GNAL: variants seen among roughly 807,000 people sequenced by gnomAD.
The protein encoded by GNAL is guanine nucleotide-binding protein G(olf) subunit alpha.
Under a neutral mutation model 55.1 loss-of-function variants are expected in GNAL, and 18 were observed. That is an observed-to-expected ratio of 0.33 (90% CI 0.23 to 0.48). The LOEUF (loss-of-function observed/expected upper bound fraction) is 0.48, where lower values mean the gene tolerates loss of function less well. GNAL is among the 20% of genes least tolerant of loss of function. The pLI is 0.99. For synonymous variants in GNAL, 253 were observed against 237.0 expected, an observed-to-expected ratio of 1.07 and a Z score of -0.62; for missense variants, 412 against 614.1, an observed-to-expected ratio of 0.67 and a Z score of 3.48.
intron 1 of GNAL, among the ~76,000 whole-genome samples, chr18:11,735,783 AGGAG>A (rs1193955007): frequency 1.3e-5 from 2 of 149,622 alleles, no homozygotes; most frequent in African/African-American, 2.5e-5. Flanking sequence ...AGAGAAAGAA[AGGAG>A]GGAGGGAGGG....
intron 1 of GNAL, among the ~76,000 whole-genome samples, chr18:11,742,746 C>CCGGCCT (rs954775616): frequency 6.6e-6 from 1 of 152,212 alleles, no homozygotes; most frequent in Non-Finnish European, 1.5e-5. Context: ...CTCCTCAACA[C>CCGGCCT]CGGCCTCGGA....
intron 1 of GNAL, 91 bp downstream of exon 1, chr18:11,690,030 CG>C: frequency 1.4e-6 from 1 of 701,866 alleles, no homozygotes; most frequent in Non-Finnish European, 1.9e-6. Context: ...TGGCGGGCAC[CG>C]GGGAGCGGCG....
chr18:11,723,441 C>G (rs542024321), intron 1 of GNAL, among the ~76,000 whole-genome samples: 5 of 152,164 alleles, frequency 3.3e-5, no homozygotes, highest in Non-Finnish European at 7.3e-5. Context: ...GTTTGCTAAT[C>G]CCTGGTCTAG....
chr18:11,869,043 C>T (rs1048857525), intron 9 of GNAL, among the ~76,000 whole-genome samples: 1 of 152,154 alleles, frequency 6.6e-6, no homozygotes, highest in Admixed American at 6.5e-5. Context: ...CACCCACACA[C>T]CCACACACTC....
intron 1 of GNAL, among the ~76,000 whole-genome samples, chr18:11,700,989 C>G (rs1013757867): frequency 1.3e-5 from 2 of 152,214 alleles, no homozygotes; most frequent in Non-Finnish European, 2.9e-5. Context: ...CTCAGGAGCC[C>G]GCTCTGTGCC....
At chr18:11,784,257 C>T (rs1343413768) in intron 4 of GNAL, among the ~76,000 whole-genome samples, 1 of 152,226 alleles carries the variant, frequency 6.6e-6, no homozygotes, top group Admixed American at 6.5e-5. Flanking sequence ...GGTCAGCAGG[C>T]GAGGTGTCCG....
At chr18:11,873,802 G>A (rs375109391) in intron 10 of GNAL, among the ~76,000 whole-genome samples, 8 of 152,232 alleles carry the variant, frequency 5.3e-5, no homozygotes, top group Admixed American at 3.3e-4. Flanking sequence ...CCCGCTAACC[G>A]CCTCTTGCCA....
At chr18:11,804,963 G>A (rs199647976) in intron 4 of GNAL, among the ~76,000 whole-genome samples, 4 of 138,158 alleles carry the variant, frequency 2.9e-5, no homozygotes, top group South Asian at 2.4e-4. Context: ...TACAGGTGCA[G>A]TTTGAGTGGA....
chr18:11,832,131 C>T lies in GNAL; in HGVS notation c.722+7116C>T, dbSNP rs538002415. Among the ~76,000 whole-genome samples, 47 of 152,040 alleles carry T rather than the reference C, an allele frequency of 3.1e-4. 1 individual carries two copies. Among genetic ancestry groups the T allele is most frequent in the Non-Finnish European group, 6.5e-4 (44 of 67,988 alleles). On this transcript the variant is annotated intron_variant, in intron 5 of 11. Transcript: ENST00000334049. ...CTAAGTGATTATGTAACCATGGAAA[C>T]GGTTATTTTGGGAGAAAGAAAATCA...
At chr18:11,838,436 G>A (rs1034196023) in intron 5 of GNAL, among the ~76,000 whole-genome samples, 1 of 152,170 alleles carries the variant, frequency 6.6e-6, no homozygotes, top group African/African-American at 2.4e-5. Flanking sequence ...TGTGTACAGA[G>A]TTTCCTCTTG....
At chr18:11,728,911 T>G (rs1396863343) in intron 1 of GNAL, among the ~76,000 whole-genome samples, 2 of 152,196 alleles carry the variant, frequency 1.3e-5, no homozygotes, top group African/African-American at 4.8e-5. Context: ...AAAGGCTGAC[T>G]CCTCTTGGGA....
chr18:11,825,320 G>A (rs541797782), intron 5 of GNAL, among the ~76,000 whole-genome samples: 269 of 152,180 alleles, frequency 1.8e-3, no homozygotes, highest in African/African-American at 6.4e-3. Context: ...GAACTTCCAT[G>A]GTTATTGTTA....
In GNAL at chr18:11,726,703, C is replaced by T. The variant is rs542892102; in HGVS notation, c.377-26150C>T. Among the ~76,000 whole-genome samples the T allele has an allele frequency of 4.6e-5, 7 of 152,318 alleles. No homozygotes were observed. In the East Asian group the frequency reaches 1.4e-3, roughly 29 times the overall value. On this transcript the variant is annotated intron_variant, in intron 1 of 11. Transcript: ENST00000334049. ...CTGCTGTTGCTCTGTTAATACCCTC[C>T]CATGCCTGAATCAACCATGTCCTAA... is the stretch of plus-strand genomic sequence containing the variant.
At chr18:11,812,988 G>A (rs2034857701) in intron 4 of GNAL, among the ~76,000 whole-genome samples, 1 of 152,078 alleles carries the variant, frequency 6.6e-6, no homozygotes, top group African/African-American at 2.4e-5. Flanking sequence ...AGGTGTGGTG[G>A]CTCATACCTG....
chr18:11,871,543 G>C (rs2848466), intron 9 of GNAL, among the ~76,000 whole-genome samples: 57,045 of 151,746 alleles, frequency 0.38, 13,598 homozygotes, highest in African/African-American at 0.68. Context: ...GCCACCACAC[G>C]TGGCCAAATT....
At chr18:11,813,834 C>T (rs954458692) in intron 4 of GNAL, among the ~76,000 whole-genome samples, 7 of 152,114 alleles carry the variant, frequency 4.6e-5, no homozygotes, top group African/African-American at 1.7e-4. Context: ...GCTGTGATTG[C>T]ACCACTGCAC....
At chr18:11,823,135 T>C (rs1173176966) in intron 4 of GNAL, among the ~76,000 whole-genome samples, 1 of 152,194 alleles carries the variant, frequency 6.6e-6, no homozygotes, top group Non-Finnish European at 1.5e-5. Context: ...TAATGCAGGA[T>C]TGATCTTTAC....
intron 5 of GNAL, among the ~76,000 whole-genome samples, chr18:11,856,045 T>C (rs1382489418): frequency 6.6e-6 from 1 of 150,484 alleles, no homozygotes; most frequent in Non-Finnish European, 1.5e-5. Context: ...AGTATCAGCA[T>C]CAGCTGGCCA....
chr18:11,869,260 C>T (rs987996507), intron 9 of GNAL, among the ~76,000 whole-genome samples: 6 of 152,112 alleles, frequency 3.9e-5, no homozygotes, highest in African/African-American at 4.8e-5. Flanking sequence ...TCTCCTTCCT[C>T]AGCCTCCTGA....
Sources: allele counts gnomAD v4.1 joint callset (sites outside exome capture counted in the v4.1 genomes callset), GRCh38; gene constraint gnomAD v4.1.1; transcripts MANE v1.5; gene names NCBI Gene and HGNC (gene_info 2026-07-23, HGNC 2026-07-21).